The following CSMD1 variants were observed in gnomAD, a reference collection of about 807,000 sequenced individuals.
CSMD1 encodes CUB and sushi domain-containing protein 1.
A neutral mutation model predicts 417.5 loss-of-function variants in CSMD1; 213 were observed. That is an observed-to-expected ratio of 0.51 (90% CI 0.46 to 0.57). CSMD1 has a LOEUF of 0.57. Among genes scored for constraint, CSMD1 ranks in the 20% least tolerant of loss-of-function variants. The probability of loss-of-function intolerance (pLI) is 0.00; values close to 1 mark genes in which losing one functional copy is unlikely to be tolerated. For synonymous variants in CSMD1, 2,862 were observed against 1,736.8 expected, an observed-to-expected ratio of 1.65 and a Z score of -16.11; for missense variants, 6,923 against 4,529.7, an observed-to-expected ratio of 1.53 and a Z score of -15.17.
At chr8:3,743,354 G>C (rs1227822206) in intron 6 of CSMD1, among the ~76,000 whole-genome samples, 1 of 152,200 alleles carries the variant, frequency 6.6e-6, no homozygotes, top group Non-Finnish European at 1.5e-5. Context: ...TTGCTCTTTA[G>C]AAAAATAGAT....
chr8:3,688,595 C>T (rs1363899104), intron 7 of CSMD1, among the ~76,000 whole-genome samples: 1 of 152,070 alleles, frequency 6.6e-6, no homozygotes, highest in East Asian at 1.9e-4. Context: ...ATTATTTATA[C>T]AATAAAATAT....
chr8:3,637,770 C>T (rs1797121002), intron 7 of CSMD1, among the ~76,000 whole-genome samples: 1 of 152,114 alleles, frequency 6.6e-6, no homozygotes, highest in Non-Finnish European at 1.5e-5. Flanking sequence ...TTGTAGCTCC[C>T]ATAATTCCCA....
chr8:3,869,095 T>C (rs1421842124), intron 5 of CSMD1, among the ~76,000 whole-genome samples: 1 of 152,202 alleles, frequency 6.6e-6, no homozygotes, highest in Non-Finnish European at 1.5e-5. Context: ...ACCTGGTGTC[T>C]AGTGTCACTC....
chr8:3,178,957 T>A (rs1167611872), intron 37 of CSMD1, among the ~76,000 whole-genome samples: 3 of 150,384 alleles, frequency 2.0e-5, no homozygotes, highest in Non-Finnish European at 4.5e-5. Context: ...TCTTTTTTTT[T>A]TTTTTTTTGA....
intron 1 of CSMD1, among the ~76,000 whole-genome samples, chr8:4,976,423 A>C (rs1311225263): frequency 6.6e-6 from 1 of 152,242 alleles, no homozygotes; most frequent in African/African-American, 2.4e-5. Context: ...AATATAAAGA[A>C]AGTTTGTTCT....
intron 37 of CSMD1, among the ~76,000 whole-genome samples, chr8:3,165,297 T>A (rs765264223): frequency 3.9e-5 from 6 of 152,160 alleles, no homozygotes; most frequent in Non-Finnish European, 7.3e-5. Context: ...CATAAGCGAT[T>A]GATATGATCA....
At chr8:3,896,619 C>G (rs1023120081) in intron 5 of CSMD1, among the ~76,000 whole-genome samples, 2 of 152,156 alleles carry the variant, frequency 1.3e-5, no homozygotes, top group East Asian at 1.9e-4. Flanking sequence ...TCACGCCATT[C>G]TCCTGCCTCA....
rs536159054 is a variant in CSMD1, at chr8:3,412,157, TATATATAC to T, written c.1562-2560_1562-2553del. On this transcript the variant is annotated intron_variant, in intron 12 of 69. Coordinates refer to ENST00000635120, the MANE Select transcript of CSMD1 (RefSeq NM_033225.6). ...ACATATATACATATATATACACACG[TATATATAC>T]ATATATACATATATATACACACATA... Among the ~76,000 whole-genome samples the T allele has an allele frequency of 3.5e-3, 380 of 107,376 alleles. 55 individuals are homozygous for T. Among genetic ancestry groups the T allele is most frequent in the Non-Finnish European group, 5.4e-3 (275 of 50,470 alleles). The allele number at this position is 107,376 out of a possible 152,430, so 70.4% of individuals were successfully genotyped here. A position where few individuals can be genotyped will look rare whatever the true frequency, so the allele number is the denominator to read the frequency against.
intron 5 of CSMD1, among the ~76,000 whole-genome samples, chr8:3,794,471 C>T (rs1799929864): frequency 2.6e-5 from 4 of 152,068 alleles, no homozygotes; most frequent in Non-Finnish European, 5.9e-5. Context: ...ATTAAATCAA[C>T]AAATAGTTTT....
At chr8:3,851,412 C>A (rs1184510024) in intron 5 of CSMD1, among the ~76,000 whole-genome samples, 2 of 152,198 alleles carry the variant, frequency 1.3e-5, no homozygotes, top group African/African-American at 4.8e-5. Flanking sequence ...ATATGTAGCA[C>A]TACCAATTTC....
intron 50 of CSMD1, among the ~76,000 whole-genome samples, chr8:3,048,664 T>A (rs928073228): frequency 6.6e-6 from 1 of 152,064 alleles, no homozygotes; most frequent in East Asian, 1.9e-4. Context: ...TGTGGTGCCC[T>A]TGGGTTTGGT....
chr8:3,777,230 A>T (rs1798942695), intron 5 of CSMD1, among the ~76,000 whole-genome samples: 1 of 151,978 alleles, frequency 6.6e-6, no homozygotes. Flanking sequence ...CCTATAGAAC[A>T]TGAGCTCCTT....
intron 1 of CSMD1, among the ~76,000 whole-genome samples, chr8:4,688,689 A>G (rs1436617031): frequency 6.6e-6 from 1 of 152,310 alleles, no homozygotes; most frequent in Non-Finnish European, 1.5e-5. Context: ...AGTTATTTTC[A>G]TATGAGATTC....
chr8:3,128,730 T>C, intron 41 of CSMD1: 1 of 385,096 alleles, frequency 2.6e-6, no homozygotes, highest in South Asian at 2.0e-5. Context: ...CATTTATTTG[T>C]ATTATTTATT....
At chr8:4,589,146 C>T (rs191135612) in intron 2 of CSMD1, among the ~76,000 whole-genome samples, 73 of 152,134 alleles carry the variant, frequency 4.8e-4, no homozygotes, top group African/African-American at 1.7e-3. Flanking sequence ...ATTTTCATTG[C>T]TCTCAATGAG....
chr8:4,663,472 T>A (rs1429594405), intron 1 of CSMD1, among the ~76,000 whole-genome samples: 1 of 152,146 alleles, frequency 6.6e-6, no homozygotes. Flanking sequence ...AGGGGCCTGG[T>A]GGGAGGTGAT....
intron 6 of CSMD1, among the ~76,000 whole-genome samples, chr8:3,739,926 T>C (rs1796707090): frequency 6.6e-6 from 1 of 152,190 alleles, no homozygotes; most frequent in South Asian, 2.1e-4. Context: ...GGATATTTTC[T>C]CTAAAAATTA....
intron 4 of CSMD1, among the ~76,000 whole-genome samples, chr8:4,025,225 G>C (rs968725356): frequency 6.6e-6 from 1 of 152,196 alleles, no homozygotes; most frequent in Non-Finnish European, 1.5e-5. Context: ...TTCTCATGGA[G>C]GAGGATTTTC....
At chr8:3,426,004 T>C (rs1037745076) in intron 12 of CSMD1, among the ~76,000 whole-genome samples, 3 of 152,186 alleles carry the variant, frequency 2.0e-5, no homozygotes, top group Admixed American at 6.5e-5. Context: ...TGGGTCTATG[T>C]AGAATCAGAA....
Sources: allele counts gnomAD v4.1 joint callset (sites outside exome capture counted in the v4.1 genomes callset), GRCh38; gene constraint gnomAD v4.1.1; transcripts MANE v1.5; gene names NCBI Gene and HGNC (gene_info 2026-07-23, HGNC 2026-07-21).